SH3RF1: variants seen among roughly 807,000 people sequenced by gnomAD.
The protein encoded by SH3RF1 is E3 ubiquitin-protein ligase SH3RF1.
Under a neutral mutation model 74.0 loss-of-function variants are expected in SH3RF1, and 32 were observed. The ratio of observed to expected loss-of-function variants is 0.43; its 90% confidence interval spans 0.33 to 0.58. The LOEUF (loss-of-function observed/expected upper bound fraction) is 0.58, where lower values mean the gene tolerates loss of function less well. Ranked by LOEUF, SH3RF1 falls within the 20% of genes least tolerant of loss-of-function variation. The probability of loss-of-function intolerance (pLI) is 0.05; values close to 1 mark genes in which losing one functional copy is unlikely to be tolerated. For missense variants in SH3RF1, 954 were observed against 1,130.9 expected, an observed-to-expected ratio of 0.84 and a Z score of 2.24; for synonymous variants, 396 against 439.6, an observed-to-expected ratio of 0.90 and a Z score of 1.24.
intron 2 of SH3RF1, among the ~76,000 whole-genome samples, chr4:169,263,287 G>A (rs1189152349): frequency 6.6e-6 from 1 of 152,022 alleles, no homozygotes; most frequent in African/African-American, 2.4e-5. Context: ...ATCATAGATA[G>A]AGACTTATTC....
Position 169,202,325 on chromosome 4 carries a change from G to C in SH3RF1, c.394-45646C>G, listed in dbSNP as rs145992964. 7.2e-5 allele frequency among the ~76,000 whole-genome samples: 11 copies of C among 152,212 alleles called. No individual in the cohort carries two copies. The East Asian group carries it at 1.9e-3, about 27-fold the overall frequency. ...CGTAGGAGGCTAGTTCTTGGTATGA[G>C]GTCAACCTTGACTCTCAGCCCTCTC... On this transcript the variant is annotated intron_variant, in intron 2 of 11. Transcript: ENST00000284637.
intron 2 of SH3RF1, among the ~76,000 whole-genome samples, chr4:169,250,706 G>T (rs375447699): frequency 6.6e-6 from 1 of 152,026 alleles, no homozygotes; most frequent in Non-Finnish European, 1.5e-5. Flanking sequence ...GGGTAGGAGG[G>T]ATTAAACAAA....
chr4:169,103,381 C>T (rs1412728651), intron 11 of SH3RF1, among the ~76,000 whole-genome samples: 1 of 152,100 alleles, frequency 6.6e-6, no homozygotes, highest in Non-Finnish European at 1.5e-5. Context: ...TTCTACCAGT[C>T]AGTAGAATTT....
At chr4:169,184,463 C>T (rs114499396) in intron 2 of SH3RF1, among the ~76,000 whole-genome samples, 1,560 of 152,316 alleles carry the variant, frequency 0.01, 34 homozygotes, top group African/African-American at 0.036. Context: ...CAGGTGGCTT[C>T]ACTTCATTGC....
intron 2 of SH3RF1, among the ~76,000 whole-genome samples, chr4:169,198,945 T>G (rs2126988951): frequency 6.6e-6 from 1 of 152,264 alleles, no homozygotes; most frequent in Non-Finnish European, 1.5e-5. Flanking sequence ...CTGAGAGGAT[T>G]TATTACCAGC....
intron 4 of SH3RF1, among the ~76,000 whole-genome samples, chr4:169,138,624 G>T (rs1478496098): frequency 6.6e-6 from 1 of 152,094 alleles, no homozygotes; most frequent in East Asian, 1.9e-4. Context: ...ATGAATAGAG[G>T]AAACTATCAA....
intron 2 of SH3RF1, among the ~76,000 whole-genome samples, chr4:169,197,102 T>A (rs1404703115): frequency 6.6e-6 from 1 of 151,836 alleles, no homozygotes; most frequent in Non-Finnish European, 1.5e-5. Context: ...ACCTCCTGGG[T>A]TCAAGCAATT....
chr4:169,146,156 AATATTATATATCTAT>A (rs1437281899), intron 4 of SH3RF1, among the ~76,000 whole-genome samples: 10 of 139,794 alleles, frequency 7.2e-5, no homozygotes, highest in African/African-American at 2.6e-4. Flanking sequence ...TTCTATATAA[AATATTATATATCTAT>A]ATATTATATA....
chr4:169,170,159 G>A (rs538078785), intron 2 of SH3RF1, among the ~76,000 whole-genome samples: 1 of 152,038 alleles, frequency 6.6e-6, no homozygotes, highest in South Asian at 2.1e-4. Context: ...TACTAAGCCA[G>A]TTGCAGCAAG....
At chr4:169,253,495 G>C (rs967819854) in intron 2 of SH3RF1, among the ~76,000 whole-genome samples, 23 of 152,190 alleles carry the variant, frequency 1.5e-4, no homozygotes, top group Admixed American at 1.2e-3. Context: ...ACTTGGAAAG[G>C]ATCCCTTGGG....
chr4:169,244,292 T>G (rs1193620079), intron 2 of SH3RF1, among the ~76,000 whole-genome samples: 1 of 152,204 alleles, frequency 6.6e-6, no homozygotes, highest in African/African-American at 2.4e-5. Context: ...AATTTTTCCA[T>G]GTGAATTGAG....
At chr4:169,210,864 T>A (rs899200210) in intron 2 of SH3RF1, among the ~76,000 whole-genome samples, 4 of 152,216 alleles carry the variant, frequency 2.6e-5, no homozygotes, top group Non-Finnish European at 5.9e-5. Flanking sequence ...CCTTCAACCA[T>A]GCACAGAGCC....
intron 2 of SH3RF1, among the ~76,000 whole-genome samples, chr4:169,218,409 G>T (rs1432216670): frequency 7.3e-6 from 1 of 137,502 alleles, no homozygotes; most frequent in Non-Finnish European, 1.5e-5. Flanking sequence ...ATAGAATATA[G>T]AATATAAATA....
At chr4:169,198,633 C>T (rs189231083) in intron 2 of SH3RF1, among the ~76,000 whole-genome samples, 426 of 152,118 alleles carry the variant, frequency 2.8e-3, no homozygotes, top group Non-Finnish European at 3.8e-3. Context: ...TTGTATAAAT[C>T]TTTACACATG....
chr4:169,103,077 C>T (rs1005083248), intron 11 of SH3RF1, among the ~76,000 whole-genome samples: 6 of 143,956 alleles, frequency 4.2e-5, no homozygotes, highest in African/African-American at 1.0e-4. Context: ...CCCGCCACCG[C>T]GCCTGGCTAT....
intron 4 of SH3RF1, among the ~76,000 whole-genome samples, chr4:169,153,180 C>A (rs1734000751): frequency 6.6e-6 from 1 of 152,102 alleles, no homozygotes; most frequent in East Asian, 1.9e-4. Flanking sequence ...TATTACCATG[C>A]TCTGGTACCC....
chr4:169,222,606 T>C (rs1356168059), intron 2 of SH3RF1, among the ~76,000 whole-genome samples: 1 of 151,704 alleles, frequency 6.6e-6, no homozygotes, highest in African/African-American at 2.4e-5. Flanking sequence ...ATTAATAACA[T>C]TGTTAAGATA....
In SH3RF1 at chr4:169,156,606, C is replaced by A; in HGVS notation, c.467G>T (p.Ser156Ile). 1.2e-6 allele frequency: 2 copies of A among 1,613,908 alleles called. No homozygotes were observed. The highest frequency in any genetic ancestry group is 1.7e-6 in the Non-Finnish European group (2 of 1,179,960). Reference protein sequence around the residue: ...EGKEPGDLKFSKGDIIILRRQ... With the variant: ...EGKEPGDLKFIKGDIIILRRQ... ...TCGCAAAATGATGATGTCACCTTTG[C>A]TGAATTTAAGGTCTCCAGGCTCTTT... The change falls in exon 3 of 12, where the codon AGC (serine) becomes ATC (isoleucine). Residue 156 changes from serine (S) to isoleucine (I), a missense_variant. Transcript: ENST00000284637.
At position 169,194,474 on chromosome 4, in the gene SH3RF1, T is replaced by A. The variant is rs534956282; in HGVS notation, c.394-37795A>T. Among the ~76,000 whole-genome samples, 8 of 152,370 alleles carry A rather than the reference T, an allele frequency of 5.3e-5. 1 individual carries two copies. The South Asian group carries it at 1.7e-3, about 32-fold the overall frequency. ...TGTTATTTAAATGGATCATGCAGGC[T>A]GTATTCTTTTGTGTCTGGCTTCTTT... On this transcript the variant is annotated intron_variant, in intron 2 of 11. Coordinates refer to ENST00000284637, the MANE Select transcript of SH3RF1 (RefSeq NM_020870.4).
Sources: allele counts gnomAD v4.1 joint callset (sites outside exome capture counted in the v4.1 genomes callset), GRCh38; gene constraint gnomAD v4.1.1; transcripts MANE v1.5; gene names NCBI Gene and HGNC (gene_info 2026-07-23, HGNC 2026-07-21).